Variants in SARDH observed in about 807,000 individuals in gnomAD.
SARDH encodes the protein sarcosine dehydrogenase, mitochondrial.
Under a neutral mutation model 109.1 loss-of-function variants are expected in SARDH, and 95 were observed. The ratio of observed to expected loss-of-function variants is 0.87; its 90% CI spans 0.74 to 1.03. The LOEUF is 1.03. SARDH is among the 50% of genes least tolerant of loss of function. The probability of loss-of-function intolerance (pLI) is 0.00; values close to 1 mark genes in which losing one functional copy is unlikely to be tolerated. For missense variants in SARDH, 1,267 were observed against 1,287.8 expected, an observed-to-expected ratio of 0.98 and a Z score of 0.25; for synonymous variants, 572 against 534.8, an observed-to-expected ratio of 1.07 and a Z score of -0.96.
intron 10 of SARDH, 35 bp from the exon 11 acceptor site, chr9:133,708,463 G>T (rs1831788454): frequency 9.5e-6 from 15 of 1,584,962 alleles, no homozygotes; most frequent in Non-Finnish European, 1.3e-5. Context: ...ACTGCTTTGG[G>T]GATGGCCCGT....
intron 13 of SARDH, among the ~76,000 whole-genome samples, 158 bp from the exon 14 acceptor site, chr9:133,696,519 A>G (rs1461674191): frequency 6.6e-6 from 1 of 152,148 alleles, no homozygotes; most frequent in Non-Finnish European, 1.5e-5. Context: ...TCAGGTGCAC[A>G]CTGTGACACA....
At chr9:133,714,028 G>A (rs1475075220) in intron 8 of SARDH, among the ~76,000 whole-genome samples, 4 of 152,132 alleles carry the variant, frequency 2.6e-5, no homozygotes, top group Non-Finnish European at 5.9e-5. Context: ...TGAGGGCCAC[G>A]CGTCACTGAG....
At chr9:133,706,868 G>C (rs148711291) in intron 11 of SARDH, among the ~76,000 whole-genome samples, 1 of 152,002 alleles carries the variant, frequency 6.6e-6, no homozygotes, top group African/African-American at 2.4e-5. Context: ...CTCCACCCCC[G>C]AGGCCCCAAG....
chr9:133,670,095 G>A (rs190496715), intron 19 of SARDH, among the ~76,000 whole-genome samples: 10 of 152,152 alleles, frequency 6.6e-5, no homozygotes, highest in East Asian at 1.9e-4. Context: ...TTGGGAGGCC[G>A]AGGCAGGCAG....
chr9:133,734,047 G>C lies in SARDH; in HGVS notation c.127C>G (p.Gln43Glu), dbSNP rs764339292. 6.2e-7 allele frequency: 1 copy of C among 1,613,376 alleles called. No homozygotes were observed. The highest frequency in any genetic ancestry group is 8.5e-7 in the Non-Finnish European group (1 of 1,179,960). ...CCCTGTCCCTCCTTCAGGGTCCGCT[G>C]ATATGGCACACTCTTCTCGGCTGTG... ...GPTAEKSVPY[Q>E]RTLKEGQGTS... Residue 43 changes from glutamine (Q) to glutamate (E), a missense_variant, in exon 2 of 21, where the codon CAG (glutamine) becomes GAG (glutamate). Physicochemically the swap from Gln to Glu is conservative, Grantham distance 29. Transcript: ENST00000439388.
At chr9:133,735,775 G>A (rs368437656) in intron 1 of SARDH, among the ~76,000 whole-genome samples, 16 of 152,366 alleles carry the variant, frequency 1.1e-4, no homozygotes, top group African/African-American at 3.1e-4. Context: ...CGGGCTCTGT[G>A]GCTCATGCCT....
chr9:133,715,036 A>G (rs1832068295), intron 8 of SARDH, among the ~76,000 whole-genome samples: 1 of 152,202 alleles, frequency 6.6e-6, no homozygotes, highest in African/African-American at 2.4e-5. Context: ...CAACATGGCC[A>G]GGGGCCAGGC....
rs1366317983 is a variant in SARDH, at chr9:133,704,352, A to G, written c.1554+596T>C. On this transcript the variant is annotated intron_variant, in intron 12 of 20. Coordinates refer to ENST00000439388, the MANE Select transcript of SARDH (RefSeq NM_001134707.2). This position sits in a 1 kb window ranked among gnomAD's most constrained non-coding sequence, Gnocchi z 4.5. ...AAATGCTACCCCTCAGCTGGCCTTA[A>G]GGCCTCGCGTCCCCTGCTCCCGAGG... Among the ~76,000 whole-genome samples, 3 of 152,142 alleles carry G rather than the reference A, an allele frequency of 2.0e-5. No individual in the cohort carries two copies. The highest frequency in any genetic ancestry group is 7.2e-5 in the African/African-American group (3 of 41,420).
Position 133,731,386 on chromosome 9 carries a change from CA to C in SARDH, c.608del (p.Leu203ArgfsTer35). 1 of 1,614,194 alleles carries C rather than the reference CA, an allele frequency of 6.2e-7. No individual in the cohort carries two copies. The highest frequency in any genetic ancestry group is 2.2e-5 in the East Asian group (1 of 44,872). ...CCATGGTACCGTCGTGCGGCACATA[CA>C]GGGTCCCGTAGAGGTCGTCCACATT... ...LMNVDDLYGT[L>X]YVPHDGTMDP... On this transcript the variant is annotated frameshift_variant, in exon 4 of 21. Transcript: ENST00000439388. LOFTEE classifies it high-confidence loss of function.
intron 5 of SARDH, 73 bp downstream of exon 5, chr9:133,729,991 C>G (rs1337033108): frequency 1.9e-6 from 3 of 1,599,834 alleles, no homozygotes; most frequent in African/African-American, 2.7e-5. Flanking sequence ...GAAAGAAGCC[C>G]TGCAGAGGTG....
intron 4 of SARDH, among the ~76,000 whole-genome samples, 166 bp downstream of exon 4, chr9:133,731,139 T>TC (rs1469164572): frequency 6.6e-6 from 1 of 152,198 alleles, no homozygotes; most frequent in East Asian, 1.9e-4. Flanking sequence ...AGGCATAGCC[T>TC]CCCCTTGGCA....
chr9:133,701,030 T>A (rs112834818), intron 13 of SARDH, among the ~76,000 whole-genome samples: 1 of 152,220 alleles, frequency 6.6e-6, no homozygotes, highest in African/African-American at 2.4e-5. Flanking sequence ...GAACTCATAT[T>A]ACCCCTCACA....
intron 1 of SARDH, among the ~76,000 whole-genome samples, chr9:133,736,898 A>G (rs1832902735): frequency 6.6e-6 from 1 of 152,244 alleles, no homozygotes; most frequent in East Asian, 1.9e-4. Flanking sequence ...ATTATCTAAG[A>G]AAGTCAGCAT....
rs1433851726 is a variant in SARDH at position 133,720,530 on chromosome 9, GT to G, written c.916-1489del. 2.0e-5 allele frequency among the ~76,000 whole-genome samples: 3 copies of G among 152,362 alleles called. No homozygotes were observed. In the East Asian group the frequency reaches 5.8e-4, roughly 29 times the overall value. ...CTAATAAAGACATACCCAAGACTGG[GT>G]AATTTATACAGGAAAGAGGTTTAAT... On this transcript the variant is annotated intron_variant, in intron 6 of 20. Transcript: ENST00000439388.
chr9:133,689,904 C>T (rs1306694012), intron 16 of SARDH, among the ~76,000 whole-genome samples: 2 of 152,154 alleles, frequency 1.3e-5, no homozygotes, highest in Non-Finnish European at 2.9e-5. Flanking sequence ...GGAACACAGC[C>T]CGGCAGGTGT....
chr9:133,687,977 T>C lies in SARDH; in HGVS notation c.2069+2403A>G, dbSNP rs139526376. 4.0e-3 allele frequency among the ~76,000 whole-genome samples: 603 copies of C among 152,278 alleles called. 4 individuals are homozygous for C. The highest frequency in any genetic ancestry group is 8.8e-3 in the Admixed American group (134 of 15,296). On this transcript the variant is annotated intron_variant, in intron 16 of 20. Transcript: ENST00000439388. ...CGCCACCGCCTGGAGCAGCTTATAATGAGGCTGGGCGCACCGGCCGCCCCC... is the reference window on the plus strand; with the variant it reads ...CGCCACCGCCTGGAGCAGCTTATAACGAGGCTGGGCGCACCGGCCGCCCCC...
chr9:133,673,555 G>A (rs372178707), intron 17 of SARDH, among the ~76,000 whole-genome samples: 5 of 152,360 alleles, frequency 3.3e-5, no homozygotes, highest in African/African-American at 4.8e-5. Context: ...CATGGCCGCC[G>A]AGGGGCTGGA....
chr9:133,712,009 T>A lies in SARDH; in HGVS notation c.1328+610A>T, dbSNP rs1456132571. 1.3e-5 allele frequency among the ~76,000 whole-genome samples: 2 copies of A among 152,172 alleles called. No individual in the cohort carries two copies. Among genetic ancestry groups the A allele is most frequent in the Non-Finnish European group, 2.9e-5 (2 of 68,018 alleles). On this transcript the variant is annotated intron_variant, in intron 10 of 20. Transcript: ENST00000439388. This position sits in a 1 kb window ranked among gnomAD's most constrained non-coding sequence, Gnocchi z 4.1. ...AGAAGGCCATCGGGATAGGCTGCCGTCACCGGCTCTGGCCACCAGCACCCC... is the reference window on the plus strand; with the variant it reads ...AGAAGGCCATCGGGATAGGCTGCCGACACCGGCTCTGGCCACCAGCACCCC...
At chr9:133,696,655 T>C (rs148948447) in intron 13 of SARDH, among the ~76,000 whole-genome samples, 1 of 152,248 alleles carries the variant, frequency 6.6e-6, no homozygotes, top group Non-Finnish European at 1.5e-5. Flanking sequence ...GTAATTAAAT[T>C]AGAAATCAAT....
Sources: gnomAD v4.1 joint callset for allele counts (sites outside exome capture counted in the v4.1 genomes callset) on GRCh38, gnomAD v4.1.1 for gene constraint, Gnocchi (gnomAD v3.1) non-coding constraint, MANE v1.5 for transcripts, NCBI Gene and HGNC (gene_info 2026-07-23, HGNC 2026-07-21) for gene names.